Variants in GPC6 observed in about 807,000 individuals in gnomAD.
GPC6 encodes glypican 6.
In GPC6, 14 loss-of-function variants were observed where a neutral mutation model predicts 55.2. The ratio of observed to expected loss-of-function variants is 0.25; its 90% confidence interval spans 0.17 to 0.40. The LOEUF (loss-of-function observed/expected upper bound fraction) is 0.40. Ranked by LOEUF, GPC6 falls within the 10% of genes least tolerant of loss-of-function variation. GPC6 has a pLI of 1.00. For missense variants in GPC6, 641 were observed against 708.5 expected (o/e 0.90, Z 1.08); for synonymous variants, 278 against 259.6 (o/e 1.07, Z -0.68).
At chr13:93,550,083 T>C (rs899730559) in intron 2 of GPC6, among the ~76,000 whole-genome samples, 2 of 152,134 alleles carry the variant, frequency 1.3e-5, no homozygotes. Flanking sequence ...TAAATTGGAA[T>C]TTGTCCCTAA....
chr13:94,358,251 C>T lies in GPC6; in HGVS notation c.1153-24163C>T, dbSNP rs536065557. ...TTGCAGTGAGCTGAGATAGTGCCAC[C>T]GCACTCCAGCCTAGGCGACAGAGCA... On this transcript the variant is annotated intron_variant, in intron 6 of 8. Coordinates refer to ENST00000377047, the MANE Select transcript of GPC6 (RefSeq NM_005708.5). Among the ~76,000 whole-genome samples, 8 of 147,480 alleles carry T rather than the reference C, an allele frequency of 5.4e-5. No individual in the cohort carries two copies. In the East Asian group the frequency reaches 6.0e-4, roughly 11 times the overall value.
At chr13:93,811,887 G>A (rs1340960870) in intron 2 of GPC6, among the ~76,000 whole-genome samples, 3 of 152,010 alleles carry the variant, frequency 2.0e-5, no homozygotes, top group East Asian at 3.9e-4. Context: ...TACTTTCCCT[G>A]CCTCATATTG....
At chr13:93,732,450 A>C (rs1883860491) in intron 2 of GPC6, among the ~76,000 whole-genome samples, 1 of 152,134 alleles carries the variant, frequency 6.6e-6, no homozygotes, top group Admixed American at 6.6e-5. Flanking sequence ...TGAAATGAGA[A>C]ACTTCTGAAG....
chr13:93,785,090 C>T (rs1484717463), intron 2 of GPC6, among the ~76,000 whole-genome samples: 1 of 152,058 alleles, frequency 6.6e-6, no homozygotes, highest in Non-Finnish European at 1.5e-5. Flanking sequence ...AACAAGGTGG[C>T]ATTCATTTCA....
At chr13:94,255,308 A>G (rs1192730523) in intron 4 of GPC6, among the ~76,000 whole-genome samples, 2 of 152,198 alleles carry the variant, frequency 1.3e-5, no homozygotes, top group African/African-American at 4.8e-5. Flanking sequence ...AAAAAGAATA[A>G]AAAGACAACT....
At chr13:94,242,300 T>A (rs1035988873) in intron 4 of GPC6, among the ~76,000 whole-genome samples, 1 of 152,108 alleles carries the variant, frequency 6.6e-6, no homozygotes, top group Non-Finnish European at 1.5e-5. Context: ...TTGGTGGGAC[T>A]GTAAACTAGT....
In GPC6 at chr13:94,064,139, C is replaced by A. The variant is rs148887160; in HGVS notation, c.877+36245C>A. 9.8e-5 allele frequency among the ~76,000 whole-genome samples: 15 copies of A among 152,296 alleles called. No homozygotes were observed. In the East Asian group the frequency reaches 2.9e-3, roughly 29 times the overall value. On this transcript the variant is annotated intron_variant, in intron 4 of 8. Transcript: ENST00000377047. ...GTGTTACCTCAGCTGCATAACTGAGCTTCTCTGGGACACGTTTATGACATA... is the reference window on the plus strand; with the variant it reads ...GTGTTACCTCAGCTGCATAACTGAGATTCTCTGGGACACGTTTATGACATA...
intron 1 of GPC6, among the ~76,000 whole-genome samples, chr13:93,461,112 G>T (rs996900159): frequency 2.6e-5 from 4 of 151,926 alleles, no homozygotes; most frequent in Non-Finnish European, 4.4e-5. Context: ...TGGGTTTTTT[G>T]TTGTTGTTCT....
intron 1 of GPC6, among the ~76,000 whole-genome samples, chr13:93,378,003 A>C (rs920865696): frequency 3.9e-5 from 6 of 152,250 alleles, no homozygotes; most frequent in African/African-American, 1.4e-4. Context: ...CTGTAGATTT[A>C]AGCCCAATAT....
chr13:94,171,600 T>C (rs1888570555), intron 4 of GPC6, among the ~76,000 whole-genome samples: 1 of 152,198 alleles, frequency 6.6e-6, no homozygotes, highest in African/African-American at 2.4e-5. Flanking sequence ...TTCCAAAGTA[T>C]ATTCATGATA....
chr13:93,462,664 A>G (rs1411826701), intron 1 of GPC6, among the ~76,000 whole-genome samples: 4 of 152,060 alleles, frequency 2.6e-5, no homozygotes, highest in African/African-American at 9.7e-5. Flanking sequence ...AAGGAATAAA[A>G]AAGAAATGCC....
intron 3 of GPC6, among the ~76,000 whole-genome samples, chr13:93,998,381 T>C (rs1305175419): frequency 6.6e-6 from 1 of 152,224 alleles, no homozygotes; most frequent in African/African-American, 2.4e-5. Context: ...ACATTGGTTC[T>C]TGCAAACCAA....
At chr13:93,606,714 T>A (rs1594306208) in intron 2 of GPC6, among the ~76,000 whole-genome samples, 1 of 152,354 alleles carries the variant, frequency 6.6e-6, no homozygotes, top group East Asian at 1.9e-4. Context: ...GAAGATCAAC[T>A]AGATGTACAT....
intron 2 of GPC6, among the ~76,000 whole-genome samples, chr13:93,619,999 C>A (rs1308149268): frequency 6.6e-6 from 1 of 152,018 alleles, no homozygotes; most frequent in Non-Finnish European, 1.5e-5. Flanking sequence ...AAATTTATTT[C>A]TACATAAGGA....
Position 94,092,199 on chromosome 13 carries a change from A to C in GPC6, c.877+64305A>C, listed in dbSNP as rs192666332. On this transcript the variant is annotated intron_variant, in intron 4 of 8. Coordinates refer to ENST00000377047, the MANE Select transcript of GPC6 (RefSeq NM_005708.5). ...GCAGATTTCAAGTATACGATAGATT[A>C]TTAACTATAATCACTGTGCTCTATA... Among the ~76,000 whole-genome samples, 26 of 151,890 alleles carry C rather than the reference A, an allele frequency of 1.7e-4. No individual in the cohort carries two copies. The East Asian group carries it at 4.3e-3, about 25-fold the overall frequency.
intron 1 of GPC6, among the ~76,000 whole-genome samples, chr13:93,313,633 C>T (rs1328373): frequency 0.24 from 36,174 of 151,958 alleles, 4,432 homozygotes; most frequent in East Asian, 0.3. Context: ...ATACATTTTC[C>T]ATCATATATA....
At chr13:93,758,267 C>A (rs952938042) in intron 2 of GPC6, among the ~76,000 whole-genome samples, 38 of 152,264 alleles carry the variant, frequency 2.5e-4, no homozygotes, top group African/African-American at 8.7e-4. Flanking sequence ...TGAGGTGCAA[C>A]AGTTCACAGT....
chr13:93,358,397 TG>T (rs1166248232), intron 1 of GPC6, among the ~76,000 whole-genome samples: 6 of 152,152 alleles, frequency 3.9e-5, no homozygotes, highest in African/African-American at 9.7e-5. Context: ...TGGAGACTGT[TG>T]TAAGTGCTTC....
At chr13:93,334,485 CAG>C (rs1396817554) in intron 1 of GPC6, among the ~76,000 whole-genome samples, 2 of 152,098 alleles carry the variant, frequency 1.3e-5, no homozygotes, top group Non-Finnish European at 2.9e-5. Context: ...TTTTTTGAGA[CAG>C]AGTCTCACTC....
Sources: gnomAD v4.1 joint callset for allele counts (sites outside exome capture counted in the v4.1 genomes callset) on GRCh38, gnomAD v4.1.1 for gene constraint, MANE v1.5 for transcripts, NCBI Gene and HGNC (gene_info 2026-07-23, HGNC 2026-07-21) for gene names.